RNF24: variants seen among roughly 807,000 people sequenced by gnomAD.
RNF24 encodes ring finger protein 24.
A neutral mutation model predicts 20.0 loss-of-function variants in RNF24; 14 were observed. The ratio of observed to expected loss-of-function variants is 0.70; its 90% CI spans 0.46 to 1.10. RNF24 has a LOEUF of 1.10. RNF24 is among the 50% of genes least tolerant of loss of function. The pLI, the probability that RNF24 is intolerant of heterozygous loss-of-function variation, is 0.00. For synonymous variants in RNF24, 45 were observed against 61.1 expected, an observed-to-expected ratio of 0.74 and a Z score of 1.23; for missense variants, 124 against 177.6, an observed-to-expected ratio of 0.70 and a Z score of 1.71.
At chr20:3,939,763 A>G (rs1349924295) in intron 4 of RNF24, among the ~76,000 whole-genome samples, 1 of 152,214 alleles carries the variant, frequency 6.6e-6, no homozygotes, top group Non-Finnish European at 1.5e-5. Context: ...TTTGAAAAAG[A>G]TGATTTGGTA....
At position 3,963,915 on chromosome 20, in the gene RNF24, C is replaced by T. The variant is rs760026962; in HGVS notation, c.103G>A (p.Val35Ile). 1 of 1,602,974 alleles carries T rather than the reference C, an allele frequency of 6.2e-7. No homozygotes were observed. Among genetic ancestry groups the T allele is most frequent in the South Asian group, 1.1e-5 (1 of 89,156 alleles). The change falls in exon 2 of 6, where the codon GTC (valine) becomes ATC (isoleucine). Residue 35 changes from valine (V) to isoleucine (I), a missense_variant. Coordinates refer to ENST00000358395, the MANE Select transcript of RNF24 (RefSeq NM_001134337.3). Reference protein sequence around the residue: ...YIVVFGTAIFVFILSLLFCCY... With the variant: ...YIVVFGTAIFIFILSLLFCCY... ...CAGAAGAGTAAACTAAGGATGAAGA[C>T]AAATATAGCAGTACCAAAAACCACA...
intron 4 of RNF24, among the ~76,000 whole-genome samples, chr20:3,940,059 A>C (rs550175046): frequency 1.1e-4 from 17 of 152,190 alleles, no homozygotes; most frequent in African/African-American, 4.1e-4. Context: ...TCTGGGTTCA[A>C]GTGATCCTCC....
intron 1 of RNF24, among the ~76,000 whole-genome samples, chr20:3,999,034 C>T (rs554872976): frequency 6.6e-6 from 1 of 152,192 alleles, no homozygotes; most frequent in South Asian, 2.1e-4. Context: ...GAGCCAAGAT[C>T]AGGCCACTGC....
intron 2 of RNF24, among the ~76,000 whole-genome samples, chr20:3,951,406 T>G (rs1320673121): frequency 1.3e-5 from 2 of 152,232 alleles, no homozygotes; most frequent in Admixed American, 6.5e-5. Flanking sequence ...TCCACTGTAG[T>G]GTATCTTGAG....
rs139985411 is a variant in RNF24 at position 3,972,552 on chromosome 20, T to C, written c.-7-8528A>G. 2.6e-5 allele frequency among the ~76,000 whole-genome samples: 4 copies of C among 152,300 alleles called. No individual in the cohort carries two copies. In the East Asian group the frequency reaches 5.8e-4, roughly 22 times the overall value. ...AATCAACACACTACTAAATAATCTA[T>C]AAGTCAAAAAGAGGTCTTAAAAGAA... On this transcript the variant is annotated intron_variant, in intron 1 of 5. Transcript: ENST00000358395.
intron 4 of RNF24, among the ~76,000 whole-genome samples, chr20:3,936,922 C>T (rs528075158): frequency 3.9e-5 from 6 of 152,252 alleles, no homozygotes; most frequent in East Asian, 3.9e-4. Flanking sequence ...CCGCAACCTC[C>T]GCCTCCTGGG....
chr20:3,946,299 T>C (rs1339326294), intron 3 of RNF24, among the ~76,000 whole-genome samples: 1 of 152,056 alleles, frequency 6.6e-6, no homozygotes. Context: ...AAACCCTGTC[T>C]CTACAAAAAA....
chr20:3,976,148 T>G (rs1309088903), intron 1 of RNF24, among the ~76,000 whole-genome samples: 1 of 152,164 alleles, frequency 6.6e-6, no homozygotes, highest in African/African-American at 2.4e-5. Flanking sequence ...TTTTCTGTTG[T>G]TTTAAGGCAC....
chr20:3,962,471 A>C (rs2091212871), intron 2 of RNF24, among the ~76,000 whole-genome samples: 1 of 152,178 alleles, frequency 6.6e-6, no homozygotes, highest in African/African-American at 2.4e-5. Context: ...AAGTATTTAC[A>C]TATATGTACC....
chr20:3,990,284 A>G (rs1980321433), intron 1 of RNF24, among the ~76,000 whole-genome samples: 1 of 152,126 alleles, frequency 6.6e-6, no homozygotes, highest in Non-Finnish European at 1.5e-5. Flanking sequence ...TGCTTGGGGG[A>G]AAAAAGTACT....
chr20:3,948,199 A>G (rs1399578028), intron 3 of RNF24, 38 bp downstream of exon 3: 4 of 1,495,126 alleles, frequency 2.7e-6, no homozygotes, highest in East Asian at 2.3e-5. Flanking sequence ...TTTGGGGGGA[A>G]AAAAAAAATC....
chr20:3,945,257 T>A (rs1254280769), intron 3 of RNF24, 39 bp from the exon 4 acceptor site: 1 of 1,530,790 alleles, frequency 6.5e-7, no homozygotes, highest in African/African-American at 1.4e-5. Context: ...CCCATTTAAA[T>A]CTGTAACTTT....
chr20:3,953,759 GTTT>G (rs66825220), intron 2 of RNF24, among the ~76,000 whole-genome samples: 42,350 of 138,432 alleles, frequency 0.31, 6,400 homozygotes, highest in African/African-American at 0.42. Flanking sequence ...TCTTGTAGTA[GTTT>G]TTTTTTTTTT....
chr20:4,008,556 A>T (rs187911643), intron 1 of RNF24, among the ~76,000 whole-genome samples: 3,773 of 110,028 alleles, frequency 0.034, 180 homozygotes, highest in African/African-American at 0.097. Context: ...ATATATATAT[A>T]TTTTTTTTTG....
rs1189048017 is a variant in RNF24, at chr20:3,945,342, G to GGGAA, written c.187-128_187-125dup. The stretch of plus-strand genomic sequence containing the variant: ...CATTTCCCTCATATTCAATATTGAA[G>GGGAA]GGAATTTCTTTTACAGTTTGAGACA... On this transcript the variant is annotated intron_variant, in intron 3 of 5. Coordinates refer to ENST00000358395, the MANE Select transcript of RNF24 (RefSeq NM_001134337.3). 4 of 962,764 alleles carry GGGAA rather than the reference G, an allele frequency of 4.2e-6. No individual in the cohort carries two copies. In the African/African-American group the frequency reaches 6.7e-5, roughly 16 times the overall value. The allele number at this position is 962,764 out of a possible 1,614,324, so 59.6% of individuals were successfully genotyped here. A position where few individuals can be genotyped will look rare whatever the true frequency, so the allele number is the denominator to read the frequency against.
chr20:3,932,948 G>A lies in RNF24; in HGVS notation c.*1115C>T, dbSNP rs1195118523. The A allele has an allele frequency of 1.3e-5, 5 of 398,390 alleles. No homozygotes were observed. The highest frequency in any genetic ancestry group is 4.4e-5 in the Admixed American group (1 of 22,702). 24.7% of individuals were successfully genotyped at this position (398,390 alleles called of 1,614,324 possible). ...TCCAAATACTGAGGCACACACCAAC[G>A]GTGGACAGCCCTGCAGGAGCTTCCT... On this transcript the variant is annotated 3_prime_UTR_variant, in exon 6 of 6. Transcript: ENST00000358395.
chr20:3,975,427 T>C (rs893518929), intron 1 of RNF24, among the ~76,000 whole-genome samples: 5 of 152,166 alleles, frequency 3.3e-5, no homozygotes, highest in Non-Finnish European at 7.4e-5. Context: ...AATGAAATGT[T>C]TTTTTTGCTT....
At chr20:3,978,617 G>A (rs1053709697) in intron 1 of RNF24, among the ~76,000 whole-genome samples, 2 of 151,960 alleles carry the variant, frequency 1.3e-5, no homozygotes, top group East Asian at 3.9e-4. Context: ...TTTTAAATGC[G>A]GGATGCAATA....
At chr20:3,993,225 C>G (rs1980595167) in intron 1 of RNF24, among the ~76,000 whole-genome samples, 1 of 152,124 alleles carries the variant, frequency 6.6e-6, no homozygotes, top group Non-Finnish European at 1.5e-5. Context: ...AACTGAGACT[C>G]AGAAAAGTCA....
Sources: allele counts gnomAD v4.1 joint callset (sites outside exome capture counted in the v4.1 genomes callset), GRCh38; gene constraint gnomAD v4.1.1; transcripts MANE v1.5; gene names NCBI Gene and HGNC (gene_info 2026-07-23, HGNC 2026-07-21).